Variants in SLC12A8 observed in about 807,000 individuals in gnomAD.
SLC12A8 encodes cation-chloride cotransporter 9.
A neutral mutation model predicts 75.6 loss-of-function variants in SLC12A8; 69 were observed. That is an observed-to-expected ratio of 0.91 (90% CI 0.75 to 1.11). The LOEUF is 1.11. Ranked by LOEUF, SLC12A8 falls within the 50% of genes most tolerant of loss-of-function variation. The pLI is 0.00. For synonymous variants in SLC12A8, 365 were observed against 372.8 expected (o/e 0.98, Z 0.24); for missense variants, 877 against 896.7 (o/e 0.98, Z 0.28).
intron 1 of SLC12A8, 137 bp from the exon 2 acceptor site, chr3:125,211,531 T>C: frequency 1.6e-6 from 1 of 637,836 alleles, no homozygotes; most frequent in Non-Finnish European, 2.8e-6. Flanking sequence ...CTACCTCATC[T>C]GGAAACTTGG....
chr3:125,204,678 T>C (rs1023666955), intron 2 of SLC12A8, among the ~76,000 whole-genome samples: 1 of 152,138 alleles, frequency 6.6e-6, no homozygotes, highest in Non-Finnish European at 1.5e-5. Context: ...AGGGTAACTA[T>C]AGTCAACAAT....
At chr3:125,084,957 ATACAT>A (rs1168238558) in intron 13 of SLC12A8, among the ~76,000 whole-genome samples, 10 of 152,250 alleles carry the variant, frequency 6.6e-5, no homozygotes, top group African/African-American at 1.9e-4. Context: ...TGAATATGGA[ATACAT>A]TTGAGAGTTG....
intron 5 of SLC12A8, among the ~76,000 whole-genome samples, chr3:125,177,495 A>G (rs1403537785): frequency 6.6e-6 from 1 of 152,048 alleles, no homozygotes; most frequent in African/African-American, 2.4e-5. Flanking sequence ...AAATAAATAT[A>G]CATTAAAAAA....
At chr3:125,155,606 C>A (rs1934029586) in intron 5 of SLC12A8, among the ~76,000 whole-genome samples, 1 of 146,536 alleles carries the variant, frequency 6.8e-6, no homozygotes, top group South Asian at 2.3e-4. Context: ...CCTGTCTCTA[C>A]TAAAAATACA....
At chr3:125,087,202 C>A (rs1305190987) in intron 13 of SLC12A8, among the ~76,000 whole-genome samples, 1 of 149,788 alleles carries the variant, frequency 6.7e-6, no homozygotes, top group African/African-American at 2.5e-5. Flanking sequence ...TCAAGCGATT[C>A]TCCTGCCTCA....
chr3:125,087,093 C>CTTT (rs369422119), intron 13 of SLC12A8, among the ~76,000 whole-genome samples: 2 of 131,258 alleles, frequency 1.5e-5, no homozygotes, highest in Non-Finnish European at 3.2e-5. Context: ...ATGTATTTCA[C>CTTT]TTTTTTTTTT....
intron 10 of SLC12A8, among the ~76,000 whole-genome samples, chr3:125,103,915 G>A (rs1938953080): frequency 6.6e-6 from 1 of 151,434 alleles, no homozygotes; most frequent in East Asian, 2.0e-4. Context: ...TTACAGGTGT[G>A]AGCCACCGTG....
At chr3:125,202,470 A>G (rs73859143) in intron 2 of SLC12A8, among the ~76,000 whole-genome samples, 6,291 of 152,282 alleles carry the variant, frequency 0.041, 297 homozygotes, top group African/African-American at 0.12. Flanking sequence ...AGGCATTACC[A>G]TAGCATCTAG....
chr3:125,100,018 T>G (rs927409269), intron 10 of SLC12A8, among the ~76,000 whole-genome samples: 4 of 152,204 alleles, frequency 2.6e-5, no homozygotes, highest in Non-Finnish European at 5.9e-5. Context: ...ATGAAAAATG[T>G]ACTAGATGCT....
intron 2 of SLC12A8, among the ~76,000 whole-genome samples, chr3:125,199,016 G>A (rs1036046610): frequency 6.6e-6 from 1 of 152,020 alleles, no homozygotes; most frequent in Non-Finnish European, 1.5e-5. Context: ...CTGACCTCGT[G>A]ATCCACCCTC....
chr3:125,128,478 CCTTT>C (rs1933271675), intron 6 of SLC12A8, among the ~76,000 whole-genome samples: 5 of 121,024 alleles, frequency 4.1e-5, no homozygotes, highest in Non-Finnish European at 3.3e-5. Flanking sequence ...CCGCGCCCGG[CCTTT>C]TTTTTTTTTT....
chr3:125,197,706 G>A (rs1935033042), intron 2 of SLC12A8, among the ~76,000 whole-genome samples: 2 of 152,196 alleles, frequency 1.3e-5, no homozygotes, highest in South Asian at 2.1e-4. Flanking sequence ...CTTTTATACT[G>A]ATGTGGCTCT....
chr3:125,125,931 C>T, intron 6 of SLC12A8: 3 of 985,154 alleles, frequency 3.0e-6, no homozygotes, highest in Non-Finnish European at 3.6e-6. Flanking sequence ...GGTTTCGCCA[C>T]AGGCACTTGC....
At chr3:125,160,852 G>C (rs1934151949) in intron 5 of SLC12A8, among the ~76,000 whole-genome samples, 1 of 45,996 alleles carries the variant, frequency 2.2e-5, no homozygotes, top group African/African-American at 8.5e-5. Flanking sequence ...CGGGGGCACA[G>C]GGCACAGCCA....
chr3:125,178,073 A>G, intron 4 of SLC12A8, 99 bp from the exon 5 acceptor site: 2 of 979,000 alleles, frequency 2.0e-6, no homozygotes, highest in South Asian at 1.5e-5. Flanking sequence ...CCCATCGGAC[A>G]CACTCACTGG....
chr3:125,181,927 C>T (rs1338996994), intron 4 of SLC12A8, among the ~76,000 whole-genome samples: 1 of 152,296 alleles, frequency 6.6e-6, no homozygotes, highest in East Asian at 1.9e-4. Context: ...TGGCTCATGC[C>T]TGTAATCTCT....
At chr3:125,130,643 C>T (rs1933330476) in intron 6 of SLC12A8, among the ~76,000 whole-genome samples, 3 of 151,566 alleles carry the variant, frequency 2.0e-5, no homozygotes, top group African/African-American at 7.3e-5. Context: ...ATTAAAAAGA[C>T]AAAAGCTTGG....
intron 5 of SLC12A8, among the ~76,000 whole-genome samples, chr3:125,170,232 G>GGTT (rs1934379314): frequency 6.6e-6 from 1 of 152,186 alleles, no homozygotes; most frequent in African/African-American, 2.4e-5. Context: ...AGGCAATCTG[G>GGTT]TAGAACCTAA....
At chr3:125,151,566 G>C (rs906191550) in intron 5 of SLC12A8, 1 of 152,866 alleles carries the variant, frequency 6.5e-6, no homozygotes, top group Non-Finnish European at 1.5e-5. Flanking sequence ...GAGGGGGTGC[G>C]GTAGGTCTCA....
Sources: allele counts gnomAD v4.1 joint callset (sites outside exome capture counted in the v4.1 genomes callset), GRCh38; gene constraint gnomAD v4.1.1; transcripts MANE v1.5; gene names NCBI Gene and HGNC (gene_info 2026-07-23, HGNC 2026-07-21).